Variants in GRK5 observed in about 807,000 individuals in gnomAD.
GRK5 encodes G protein-coupled receptor kinase 5, also known as g protein-coupled receptor kinase GRK5.
GRK5 carries 40 observed loss-of-function variants against 78.4 expected under a neutral mutation model. That is an observed-to-expected ratio of 0.51 (90% CI 0.40 to 0.66). GRK5 has a LOEUF of 0.66. Ranked by LOEUF, GRK5 falls within the 30% of genes least tolerant of loss-of-function variation. GRK5 has a pLI of 0.00. For missense variants in GRK5, 598 were observed against 759.9 expected (o/e 0.79, Z 2.50); for synonymous variants, 289 against 296.8 (o/e 0.97, Z 0.27).
intron 6 of GRK5, 101 bp downstream of exon 6, chr10:119,425,186 TA>T: frequency 3.7e-6 from 3 of 808,402 alleles, no homozygotes; most frequent in Non-Finnish European, 6.4e-6. Flanking sequence ...GGCTCATGGT[TA>T]AAACAAAATT....
intron 1 of GRK5, among the ~76,000 whole-genome samples, chr10:119,258,204 G>A (rs1485180691): frequency 2.0e-5 from 3 of 152,142 alleles, no homozygotes; most frequent in Admixed American, 2.0e-4. Context: ...GAATCACACC[G>A]AGTGTAGCCT....
At chr10:119,245,703 G>A (rs1849096098) in intron 1 of GRK5, among the ~76,000 whole-genome samples, 1 of 152,104 alleles carries the variant, frequency 6.6e-6, no homozygotes, top group African/African-American at 2.4e-5. Context: ...TGTGCTTATA[G>A]TTAATCATAC....
intron 2 of GRK5, among the ~76,000 whole-genome samples, chr10:119,370,865 C>T (rs534189059): frequency 8.6e-5 from 13 of 151,990 alleles, no homozygotes; most frequent in Non-Finnish European, 1.8e-4. Context: ...CACAGCCCCC[C>T]GTAACCTGGT....
At chr10:119,439,920 G>A in intron 10 of GRK5, 152 bp downstream of exon 10, 1 of 686,710 alleles carries the variant, frequency 1.5e-6, no homozygotes, top group Non-Finnish European at 2.6e-6. Context: ...GGGGAAAGCT[G>A]TGAGTGTGAA....
Position 119,455,061 on chromosome 10 carries a change from C to A in GRK5, c.1767C>A (p.Ser589Arg). ...SNHVSSNSTGSS is the reference protein window; with the variant it reads ...SNHVSSNSTGRS ...ATGTCAGCTCGAACTCCACCGGAAGCAGCTAGTTTCGGCTCTGGCCTCCAA... is the reference window on the plus strand; with the variant it reads ...ATGTCAGCTCGAACTCCACCGGAAGAAGCTAGTTTCGGCTCTGGCCTCCAA... Residue 589 changes from serine (S) to arginine (R), a missense_variant, in exon 16 of 16, where the codon AGC (serine) becomes AGA (arginine). Physicochemically the swap from Ser to Arg is moderately radical, Grantham distance 110. Transcript: ENST00000392870. 6.2e-7 allele frequency: 1 copy of A among 1,613,090 alleles called. No individual in the cohort carries two copies. The highest frequency in any genetic ancestry group is 8.5e-7 in the Non-Finnish European group (1 of 1,179,066).
intron 1 of GRK5, among the ~76,000 whole-genome samples, chr10:119,279,127 G>T (rs568256840): frequency 6.6e-6 from 1 of 152,062 alleles, no homozygotes; most frequent in Non-Finnish European, 1.5e-5. Flanking sequence ...TGATCCACCC[G>T]CCTTGGCCTC....
chr10:119,370,188 T>C (rs1851524435), intron 2 of GRK5, among the ~76,000 whole-genome samples: 1 of 152,088 alleles, frequency 6.6e-6, no homozygotes, highest in Non-Finnish European at 1.5e-5. Context: ...ACCCACCCTT[T>C]TCTTCCTTCC....
intron 1 of GRK5, among the ~76,000 whole-genome samples, chr10:119,260,010 T>A (rs960690181): frequency 6.6e-6 from 1 of 152,186 alleles, no homozygotes; most frequent in Non-Finnish European, 1.5e-5. Flanking sequence ...TCAGTTGTTT[T>A]TTTTTTTGAG....
intron 1 of GRK5, among the ~76,000 whole-genome samples, chr10:119,225,787 C>CA (rs1240744035): frequency 4.6e-5 from 7 of 151,064 alleles, no homozygotes; most frequent in Admixed American, 4.6e-4. Flanking sequence ...TCTCCTGTCT[C>CA]AGCCTCCTGA....
intron 9 of GRK5, among the ~76,000 whole-genome samples, chr10:119,439,527 C>T (rs139548466): frequency 5.9e-5 from 9 of 152,366 alleles, no homozygotes; most frequent in Admixed American, 2.6e-4. Context: ...CTGTGGCAAA[C>T]GGCAGTGTTG....
chr10:119,276,887 A>C (rs1242836593), intron 1 of GRK5, among the ~76,000 whole-genome samples: 1 of 152,224 alleles, frequency 6.6e-6, no homozygotes, highest in Non-Finnish European at 1.5e-5. Context: ...TCTTGTGTGA[A>C]AGAGGAATAG....
At chr10:119,453,767 C>T (rs1401734779) in intron 15 of GRK5, among the ~76,000 whole-genome samples, 1 of 152,194 alleles carries the variant, frequency 6.6e-6, no homozygotes, top group Non-Finnish European at 1.5e-5. Flanking sequence ...ATCATAAGCC[C>T]AGGGAGAACT....
In GRK5 at chr10:119,312,711, T is replaced by C. The variant is rs1180177093; in HGVS notation, c.53-13805T>C. ...ATGGTGCCCCTGTGAGACTTCCTGC[T>C]TCCTGTGGCACCCCTGGCAATGTCG... On this transcript the variant is annotated intron_variant, in intron 1 of 15. Coordinates refer to ENST00000392870, the MANE Select transcript of GRK5 (RefSeq NM_005308.3). 2.6e-5 allele frequency among the ~76,000 whole-genome samples: 4 copies of C among 152,194 alleles called. No homozygotes were observed. In the East Asian group the frequency reaches 7.7e-4, roughly 29 times the overall value.
rs532593514 is a variant in GRK5 at position 119,417,192 on chromosome 10, G to A, written c.340-5974G>A. Among the ~76,000 whole-genome samples, 6 of 152,314 alleles carry A rather than the reference G, an allele frequency of 3.9e-5. No homozygotes were observed. In the East Asian group the frequency reaches 1.2e-3, roughly 29 times the overall value. On this transcript the variant is annotated intron_variant, in intron 4 of 15. Transcript: ENST00000392870. ...AATGCCACTGAGGGTGGGTGTCTGA[G>A]CATCAGCCTCGGGTGTGGTGGGTGA...
chr10:119,420,541 C>T (rs1564927973), intron 4 of GRK5, among the ~76,000 whole-genome samples: 1 of 151,208 alleles, frequency 6.6e-6, no homozygotes, highest in African/African-American at 2.4e-5. Context: ...ACACTAGCTC[C>T]ATCTCTTTTT....
At chr10:119,446,456 G>GGCCCACCCA (rs1564938809) in intron 12 of GRK5, among the ~76,000 whole-genome samples, 1 of 146,660 alleles carries the variant, frequency 6.8e-6, no homozygotes, top group Non-Finnish European at 1.5e-5. Flanking sequence ...AGCCCGGCCC[G>GGCCCACCCA]GCCCACCCAG....
chr10:119,209,939 C>T (rs1487893761), intron 1 of GRK5, among the ~76,000 whole-genome samples: 1 of 152,142 alleles, frequency 6.6e-6, no homozygotes, highest in Non-Finnish European at 1.5e-5. Context: ...CAATTCCACC[C>T]GCCCCCTCCA....
At chr10:119,435,879 C>G (rs919996898) in intron 8 of GRK5, among the ~76,000 whole-genome samples, 3 of 152,206 alleles carry the variant, frequency 2.0e-5, no homozygotes, top group Non-Finnish European at 4.4e-5. Flanking sequence ...AATGGACTTA[C>G]AGTTCCACGT....
At chr10:119,443,519 C>T in intron 11 of GRK5, 25 bp from the exon 12 acceptor site, 1 of 1,584,794 alleles carries the variant, frequency 6.3e-7, no homozygotes, top group Non-Finnish European at 8.6e-7. Flanking sequence ...CCTCCTCACT[C>T]CTCTCTCCTC....
Sources: allele counts gnomAD v4.1 joint callset (sites outside exome capture counted in the v4.1 genomes callset), GRCh38; gene constraint gnomAD v4.1.1; transcripts MANE v1.5; gene names NCBI Gene and HGNC (gene_info 2026-07-23, HGNC 2026-07-21).